Variants in ME1 observed in about 807,000 individuals in gnomAD.
The protein encoded by ME1 is malic enzyme 1.
In ME1, 74 loss-of-function variants were observed where a neutral mutation model predicts 66.4. The ratio of observed to expected loss-of-function variants is 1.11; its 90% CI spans 0.92 to 1.35. ME1 has a LOEUF of 1.35. Ranked by LOEUF, ME1 falls within the 40% of genes most tolerant of loss-of-function variation. ME1 has a pLI of 0.00. For synonymous variants in ME1, 251 were observed against 235.6 expected, an observed-to-expected ratio of 1.07 and a Z score of -0.60; for missense variants, 750 against 694.1, an observed-to-expected ratio of 1.08 and a Z score of -0.90.
intron 6 of ME1, among the ~76,000 whole-genome samples, chr6:83,268,120 G>C (rs547992167): frequency 6.6e-6 from 1 of 152,030 alleles, no homozygotes; most frequent in Non-Finnish European, 1.5e-5. Context: ...CTGAACTGCA[G>C]AACAGATCAG....
At chr6:83,393,312 C>G (rs1282342423) in intron 3 of ME1, 2 of 1,250,266 alleles carry the variant, frequency 1.6e-6, no homozygotes, top group Admixed American at 1.8e-5. Flanking sequence ...TTGCCCTCAA[C>G]GACCACTTTG....
At chr6:83,360,953 C>T (rs772572343) in intron 3 of ME1, among the ~76,000 whole-genome samples, 3 of 152,208 alleles carry the variant, frequency 2.0e-5, no homozygotes, top group Non-Finnish European at 2.9e-5. Flanking sequence ...TAAGGCCCAC[C>T]AGAAGAAATT....
At chr6:83,226,425 A>G (rs1047438322) in intron 11 of ME1, among the ~76,000 whole-genome samples, 21 of 152,278 alleles carry the variant, frequency 1.4e-4, no homozygotes, top group African/African-American at 5.1e-4. Context: ...TGTTGCTGAA[A>G]GGACTTTTTT....
intron 6 of ME1, among the ~76,000 whole-genome samples, chr6:83,275,544 C>A (rs1386229435): frequency 7.4e-6 from 1 of 135,218 alleles, no homozygotes; most frequent in Non-Finnish European, 1.5e-5. Flanking sequence ...TGGCTCACTG[C>A]AAGCTCCGCC....
intron 10 of ME1, 106 bp downstream of exon 10, chr6:83,228,720 T>A: frequency 3.9e-6 from 3 of 760,020 alleles, no homozygotes; most frequent in East Asian, 2.5e-5. Flanking sequence ...GAACGTGTAG[T>A]TTTTTGAATT....
At chr6:83,312,301 T>C (rs1767946697) in intron 6 of ME1, among the ~76,000 whole-genome samples, 1 of 152,168 alleles carries the variant, frequency 6.6e-6, no homozygotes, top group African/African-American at 2.4e-5. Context: ...CAGTAATAAA[T>C]GGAGCCCCAG....
intron 1 of ME1, among the ~76,000 whole-genome samples, chr6:83,426,497 AGGCAACTCTAGAGAATGTGGTT>A (rs1770373078): frequency 6.6e-6 from 1 of 152,242 alleles, no homozygotes; most frequent in South Asian, 2.1e-4. Flanking sequence ...CACGTTGCAG[AGGCAACTCTAGAGAATGTGGTT>A]GGATGAAATT....
chr6:83,395,710 G>A (rs893447822), intron 3 of ME1, among the ~76,000 whole-genome samples: 7 of 151,560 alleles, frequency 4.6e-5, no homozygotes, highest in South Asian at 2.1e-4. Context: ...TCTTGACCTC[G>A]TGATCTGCCC....
At chr6:83,407,717 C>T in intron 2 of ME1, 51 bp downstream of exon 2, 1 of 1,456,382 alleles carries the variant, frequency 6.9e-7, no homozygotes. Flanking sequence ...AAAAAATAAA[C>T]TAGACAACTG....
intron 6 of ME1, among the ~76,000 whole-genome samples, chr6:83,294,169 C>T (rs1359649926): frequency 1.3e-5 from 2 of 152,188 alleles, no homozygotes; most frequent in Non-Finnish European, 2.9e-5. Flanking sequence ...ATGCACAATA[C>T]TTTTCCAAAA....
chr6:83,243,586 C>T (rs1180219), intron 7 of ME1, among the ~76,000 whole-genome samples: 2,025 of 40,000 alleles, frequency 0.051, 54 homozygotes, highest in African/African-American at 0.12. Flanking sequence ...TACATTATAT[C>T]GATATAATCT....
intron 7 of ME1, among the ~76,000 whole-genome samples, chr6:83,242,272 TAAC>T (rs1244980357): frequency 2.6e-5 from 4 of 152,192 alleles, no homozygotes; most frequent in African/African-American, 7.2e-5. Context: ...AACATAAACA[TAAC>T]AACATATGGT....
At chr6:83,326,396 T>G (rs1258288473) in intron 5 of ME1, among the ~76,000 whole-genome samples, 1 of 152,202 alleles carries the variant, frequency 6.6e-6, no homozygotes, top group Non-Finnish European at 1.5e-5. Context: ...AAATGGGATC[T>G]AATTAAACTA....
intron 11 of ME1, among the ~76,000 whole-genome samples, chr6:83,225,808 TTA>T (rs57577563): frequency 0.037 from 5,164 of 137,910 alleles, 257 homozygotes; most frequent in African/African-American, 0.12. Flanking sequence ...GCCTGTAACA[TTA>T]TATATATATA....
chr6:83,213,021 T>C (rs1248511732), intron 13 of ME1, among the ~76,000 whole-genome samples: 1 of 151,274 alleles, frequency 6.6e-6, no homozygotes, highest in Non-Finnish European at 1.5e-5. Context: ...ATATATACTA[T>C]TTAATTCACA....
At chr6:83,411,247 C>G (rs1355904637) in intron 1 of ME1, among the ~76,000 whole-genome samples, 1 of 152,040 alleles carries the variant, frequency 6.6e-6, no homozygotes, top group African/African-American at 2.4e-5. Flanking sequence ...ACCTGTACTC[C>G]CAGCTACTTG....
chr6:83,220,935 C>A (rs1186724683), intron 12 of ME1, among the ~76,000 whole-genome samples: 1 of 152,058 alleles, frequency 6.6e-6, no homozygotes, highest in African/African-American at 2.4e-5. Context: ...CCGAGTCAGG[C>A]TGATCACAAG....
chr6:83,285,146 A>C (rs1012229383), intron 6 of ME1, among the ~76,000 whole-genome samples: 2 of 152,214 alleles, frequency 1.3e-5, no homozygotes, highest in Non-Finnish European at 2.9e-5. Flanking sequence ...TAATACGACA[A>C]CCTTAACCAG....
At chr6:83,358,981 T>C (rs1320789018) in intron 3 of ME1, among the ~76,000 whole-genome samples, 1 of 152,174 alleles carries the variant, frequency 6.6e-6, no homozygotes, top group African/African-American at 2.4e-5. Context: ...CACACAAGGC[T>C]GTCACTTCTC....
Sources: gnomAD v4.1 joint callset for allele counts (sites outside exome capture counted in the v4.1 genomes callset) on GRCh38, gnomAD v4.1.1 for gene constraint, MANE v1.5 for transcripts, NCBI Gene and HGNC (gene_info 2026-07-23, HGNC 2026-07-21) for gene names.